The following STARD13 variants were observed in gnomAD, a reference collection of about 807,000 sequenced individuals.
STARD13 encodes the protein StAR related lipid transfer domain containing 13.
STARD13 carries 62 observed loss-of-function variants against 106.4 expected under a neutral mutation model. The ratio of observed to expected loss-of-function variants is 0.58; its 90% CI spans 0.48 to 0.72. The LOEUF is 0.72. Among genes scored for constraint, STARD13 ranks in the 30% least tolerant of loss-of-function variants. The pLI is 0.00. For missense variants in STARD13, 1,387 were observed against 1,424.0 expected, an observed-to-expected ratio of 0.97 and a Z score of 0.42; for synonymous variants, 565 against 553.0, an observed-to-expected ratio of 1.02 and a Z score of -0.31.
intron 1 of STARD13, among the ~76,000 whole-genome samples, chr13:33,315,348 G>A (rs1183673016): frequency 6.6e-6 from 1 of 152,194 alleles, no homozygotes; most frequent in Non-Finnish European, 1.5e-5. Context: ...TCTGATCTGA[G>A]CATCTGGTCA....
intron 1 of STARD13, chr13:33,350,236 C>CG (rs2078061590): frequency 6.7e-7 from 1 of 1,485,506 alleles, no homozygotes; most frequent in Non-Finnish European, 8.9e-7. Context: ...GGGCGGGCTA[C>CG]GGGGCCGGCG....
chr13:33,515,074 C>G, the STARD13 span, among the ~76,000 whole-genome samples: 52 of 152,218 alleles, frequency 3.4e-4, no homozygotes, highest in East Asian at 9.5e-3. Context: ...GTACTAGAGG[C>G]TGGATGTGTT....
At chr13:33,383,996 C>A in the STARD13 span, among the ~76,000 whole-genome samples, 1 of 152,034 alleles carries the variant, frequency 6.6e-6, no homozygotes, top group Non-Finnish European at 1.5e-5. Context: ...TTTAGCCTGA[C>A]CAACCAAGAC....
At chr13:33,304,106 C>T (rs965523382) in intron 1 of STARD13, among the ~76,000 whole-genome samples, 1 of 152,212 alleles carries the variant, frequency 6.6e-6, no homozygotes. Flanking sequence ...TGTGGACTTT[C>T]CCACGTTGTG....
the STARD13 span, among the ~76,000 whole-genome samples, chr13:33,660,097 T>C: frequency 3.3e-5 from 5 of 152,172 alleles, no homozygotes; most frequent in African/African-American, 1.2e-4. Context: ...GGTAGGCAGG[T>C]GTGGCCAGGC....
the STARD13 span, among the ~76,000 whole-genome samples, chr13:33,392,414 T>C: frequency 6.6e-6 from 1 of 152,140 alleles, no homozygotes; most frequent in Non-Finnish European, 1.5e-5. Flanking sequence ...AACTTCTTTT[T>C]TTTGAAACAG....
chr13:33,551,391 GTT>G, the STARD13 span, among the ~76,000 whole-genome samples: 18 of 152,188 alleles, frequency 1.2e-4, no homozygotes, highest in Non-Finnish European at 2.4e-4. Flanking sequence ...CACTCAAAAA[GTT>G]TTGGATTTGG....
the STARD13 span, among the ~76,000 whole-genome samples, chr13:33,613,213 C>T: frequency 6.6e-6 from 1 of 152,138 alleles, no homozygotes; most frequent in Non-Finnish European, 1.5e-5. Flanking sequence ...ACACCCACAG[C>T]AGCTTTGAGA....
At chr13:33,385,309 A>C in the STARD13 span, among the ~76,000 whole-genome samples, 1 of 141,222 alleles carries the variant, frequency 7.1e-6, no homozygotes, top group Non-Finnish European at 1.5e-5. Context: ...AGAGTGTCAA[A>C]GTAAGAAAGT....
At chr13:33,295,761 C>T (rs1472104006) in intron 1 of STARD13, among the ~76,000 whole-genome samples, 2 of 152,070 alleles carry the variant, frequency 1.3e-5, no homozygotes, top group Non-Finnish European at 2.9e-5. Context: ...TTCTGCATGG[C>T]AGAAAGGTGT....
chr13:33,398,873 T>C, the STARD13 span, among the ~76,000 whole-genome samples: 2 of 152,188 alleles, frequency 1.3e-5, no homozygotes, highest in Non-Finnish European at 2.9e-5. Context: ...AATGACTACA[T>C]AACTCACAAT....
the STARD13 span, among the ~76,000 whole-genome samples, chr13:33,407,439 G>A: frequency 6.6e-6 from 1 of 152,196 alleles, no homozygotes; most frequent in Non-Finnish European, 1.5e-5. Context: ...TGTGTGCACA[G>A]TATTGCTCCT....
intron 1 of STARD13, among the ~76,000 whole-genome samples, chr13:33,185,456 C>T (rs1296698511): frequency 3.3e-5 from 5 of 152,184 alleles, no homozygotes; most frequent in Admixed American, 1.3e-4. Flanking sequence ...CTGTCTCCTT[C>T]GCTTAGAATT....
At chr13:33,404,005 A>G in the STARD13 span, among the ~76,000 whole-genome samples, 2 of 152,346 alleles carry the variant, frequency 1.3e-5, no homozygotes, top group Admixed American at 1.3e-4. Flanking sequence ...GTTTCTCTTC[A>G]GACCTCTTGA....
At chr13:33,476,329 G>C in the STARD13 span, among the ~76,000 whole-genome samples, 1 of 152,270 alleles carries the variant, frequency 6.6e-6, no homozygotes, top group Admixed American at 6.5e-5. Context: ...ATGTTTTCAA[G>C]TGTTGTACTG....
chr13:33,132,277 T>C (rs1301267160), intron 4 of STARD13, among the ~76,000 whole-genome samples: 2 of 152,162 alleles, frequency 1.3e-5, no homozygotes, highest in Admixed American at 1.3e-4. Context: ...ATAATTCCCA[T>C]GTTTTGATGT....
intron 1 of STARD13, among the ~76,000 whole-genome samples, chr13:33,282,797 T>C (rs1891860672): frequency 6.6e-6 from 1 of 152,020 alleles, no homozygotes; most frequent in Non-Finnish European, 1.5e-5. Context: ...GAGGCTGAGG[T>C]AGGAAGATCA....
chr13:33,605,459 TA>T, the STARD13 span, among the ~76,000 whole-genome samples: 1 of 151,516 alleles, frequency 6.6e-6, no homozygotes, highest in Non-Finnish European at 1.5e-5. Context: ...CTTCTAAATT[TA>T]TCAAAGACCA....
chr13:33,316,724 T>C (rs1355133552), intron 1 of STARD13, among the ~76,000 whole-genome samples: 1 of 152,204 alleles, frequency 6.6e-6, no homozygotes, highest in African/African-American at 2.4e-5. Flanking sequence ...GAGCATGTAC[T>C]ACAGCACCTT....
Sources: gnomAD v4.1 joint callset for allele counts (sites outside exome capture counted in the v4.1 genomes callset) on GRCh38, gnomAD v4.1.1 for gene constraint, MANE v1.5 for transcripts, NCBI Gene and HGNC (gene_info 2026-07-23, HGNC 2026-07-21) for gene names.